Variants in PROM2 observed in about 807,000 individuals in gnomAD.
The protein encoded by PROM2 is prominin-2.
In PROM2, 90 loss-of-function variants were observed where a neutral mutation model predicts 110.2. The ratio of observed to expected loss-of-function variants is 0.82; its 90% confidence interval spans 0.69 to 0.97. The LOEUF is 0.97. Among genes scored for constraint, PROM2 ranks in the 50% least tolerant of loss-of-function variants. The probability of loss-of-function intolerance (pLI) is 0.00; values close to 1 mark genes in which losing one functional copy is unlikely to be tolerated. For missense variants in PROM2, 1,009 were observed against 1,074.8 expected (o/e 0.94, Z 0.86); for synonymous variants, 470 against 467.8 (o/e 1.00, Z -0.06).
chr2:95,286,586 C>T lies in PROM2; in HGVS notation c.2040+15C>T. Reference sequence around the variant, plus strand: ...AGAGCCTTGTGGTCAGTTTGGAGGCCCGGGGAGCCTGGGGCCTGGGGGAGG... The same window carrying T: ...AGAGCCTTGTGGTCAGTTTGGAGGCTCGGGGAGCCTGGGGCCTGGGGGAGG... On this transcript the variant is annotated intron_variant, in intron 17 of 23. Transcript: ENST00000317620. 1 of 1,609,968 alleles carries T rather than the reference C, an allele frequency of 6.2e-7. No individual in the cohort carries two copies. The highest frequency in any genetic ancestry group is 8.5e-7 in the Non-Finnish European group (1 of 1,177,288).
chr2:95,275,034 T>C lies in PROM2; in HGVS notation c.244+205T>C. ...CACTTCCTCTCTGAGCCTCAGGTGC[T>C]CTGTCTGTAAAGTGAGGAGGTTACA... On this transcript the variant is annotated intron_variant, in intron 1 of 23. Transcript: ENST00000317620. The surrounding 1 kb of genome is among the most constrained non-coding windows in gnomAD (Gnocchi z 4.4). 1.7e-6 allele frequency: 1 copy of C among 576,550 alleles called. No individual in the cohort carries two copies. Among genetic ancestry groups the C allele is most frequent in the Admixed American group, 3.5e-5 (1 of 28,788 alleles). The allele number at this position is 576,550 out of a possible 1,614,324, so 35.7% of individuals were successfully genotyped here. A position where few individuals can be genotyped will look rare whatever the true frequency, so the allele number is the denominator to read the frequency against.
intron 15 of PROM2, 58 bp from the exon 16 acceptor site, chr2:95,285,581 G>A (rs1486813123): frequency 1.4e-6 from 2 of 1,438,782 alleles, no homozygotes; most frequent in Non-Finnish European, 1.9e-6. Flanking sequence ...GGATCAGGTG[G>A]TGGTGGGCCC....
chr2:95,285,001 C>T lies in PROM2; in HGVS notation c.1761C>T (p.Ser587=), dbSNP rs1558747795. 1 of 1,608,526 alleles carries T rather than the reference C, an allele frequency of 6.2e-7. No homozygotes were observed. Among genetic ancestry groups the T allele is most frequent in the African/African-American group, 1.3e-5 (1 of 74,986 alleles). ...ACAAGCTACGGCAGGAGTTGCAGAG[C>T]CTGAAAGTAGACACACAGAGCCTGG... ...YTNKLRQELQ[S]LKVDTQSLDL... The change falls in exon 15 of 24, where the codon AGC becomes AGT. Residue 587 remains serine, a synonymous_variant. Transcript: ENST00000317620.
rs779864910 is a variant in PROM2 at position 95,275,335 on chromosome 2, C to T, written c.245-126C>T. 38 of 843,964 alleles carry T rather than the reference C, an allele frequency of 4.5e-5. No individual in the cohort carries two copies. Among genetic ancestry groups the T allele is most frequent in the African/African-American group, 3.6e-4 (21 of 58,764 alleles). The allele number at this position is 843,964 out of a possible 1,614,324, so 52.3% of individuals were successfully genotyped here. A position where few individuals can be genotyped will look rare whatever the true frequency, so the allele number is the denominator to read the frequency against. On this transcript the variant is annotated intron_variant, in intron 1 of 23. Transcript: ENST00000317620. The surrounding 1 kb of genome is among the most constrained non-coding windows in gnomAD (Gnocchi z 4.4). The stretch of plus-strand genomic sequence containing the variant: ...AGGGCTGCGGTGATGCAGCCTTCTG[C>T]GAGGGTGCCATGGTGGTGGCAGGAG...
intron 7 of PROM2, 127 bp downstream of exon 7, chr2:95,277,693 T>C: frequency 9.9e-7 from 1 of 1,006,938 alleles, no homozygotes. Flanking sequence ...CCAGGGTTAA[T>C]GCGGGTCATC....
chr2:95,285,059 G>A lies in PROM2; in HGVS notation c.1819G>A (p.Glu607Lys). 2 of 1,596,980 alleles carry A rather than the reference G, an allele frequency of 1.3e-6. No homozygotes were observed. Among genetic ancestry groups the A allele is most frequent in the Middle Eastern group, 1.7e-4 (1 of 5,996 alleles). Residue 607 changes from glutamate to lysine, a missense_variant, in exon 15 of 24, where the codon GAG (glutamate) becomes AAG (lysine). Glu to Lys is a moderately conservative substitution (Grantham distance 56, BLOSUM62 1). Transcript: ENST00000317620. ...LLSSAARRDL[E>K]ALQSSGLQRI... is the part of the protein sequence containing the mutation. ...GAGCTCAGCCGCCCGCCGGGACCTG[G>A]AGGCCCTGCAGAGCAGTGGGCTTCA... is the stretch of plus-strand genomic sequence containing the variant.
At position 95,276,987 on chromosome 2, in the gene PROM2, T is replaced by C. The variant is rs1421633712; in HGVS notation, c.698T>C (p.Ile233Thr). 3 of 1,549,750 alleles carry C rather than the reference T, an allele frequency of 1.9e-6. No individual in the cohort carries two copies. Among genetic ancestry groups the C allele is most frequent in the South Asian group, 2.4e-5 (2 of 83,934 alleles). ...TGCTCTGCAGGTGTTGGTGTGAGCA[T>C]TGGGAGCGCGATCCACACTCAGCTC... ...SEELDGVGVSIGSAIHTQLRS... is the reference protein window; with the variant it reads ...SEELDGVGVSTGSAIHTQLRS... Residue 233 changes from isoleucine (I) to threonine (T), a missense_variant, in exon 6 of 24, where the codon ATT becomes ACT. Physicochemically the swap from Ile to Thr is moderately conservative, Grantham distance 89. Transcript: ENST00000317620. This position sits in a 1 kb window ranked among gnomAD's most constrained non-coding sequence, Gnocchi z 4.6.
intron 20 of PROM2, 149 bp downstream of exon 20, chr2:95,287,613 C>A (rs1677449054): frequency 1.4e-6 from 1 of 714,448 alleles, no homozygotes; most frequent in Admixed American, 2.6e-5. Flanking sequence ...GGCATCTGCA[C>A]CCCTGCTTGC....
rs1285464081 is a variant in PROM2 at position 95,288,103 on chromosome 2, C to T, written c.2245-108C>T. 6 of 1,077,906 alleles carry T rather than the reference C, an allele frequency of 5.6e-6. No individual in the cohort carries two copies. The East Asian group carries it at 1.4e-4, about 26-fold the overall frequency. The allele number at this position is 1,077,906 out of a possible 1,614,324, so 66.8% of individuals were successfully genotyped here. ...AAGTGTGCGGTGGCCCCAATGGTGT[C>T]CCCAGGCCTTTCTGTGTCCCTGTCA... On this transcript the variant is annotated intron_variant, in intron 20 of 23. Transcript: ENST00000317620.
chr2:95,277,546 C>T lies in PROM2; in HGVS notation c.955C>T (p.Leu319=). 1 of 1,585,954 alleles carries T rather than the reference C, an allele frequency of 6.3e-7. No homozygotes were observed. The change falls in exon 7 of 24, where the codon CTG becomes TTG. Residue 319 remains leucine (L), a synonymous_variant. Coordinates refer to ENST00000317620, the MANE Select transcript of PROM2 (RefSeq NM_001165978.3). The part of the protein sequence containing the change: ...GALSWARTLE[L]GADFSQVPSV... ...CCTGAGCTGGGCCCGCACCCTGGAG[C>T]TGGGTGCTGACTTCAGCCAGGTGCA...
intron 8 of PROM2, 117 bp downstream of exon 8, chr2:95,278,121 A>G: frequency 6.1e-6 from 5 of 814,990 alleles, no homozygotes; most frequent in South Asian, 1.6e-5. Context: ...CCCACCACAC[A>G]GCACCCTGGG....
At position 95,286,535 on chromosome 2, in the gene PROM2, T is replaced by A. The variant is rs770482356; in HGVS notation, c.2004T>A (p.Leu668=). The A allele has an allele frequency of 6.2e-7, 1 of 1,613,702 alleles. No homozygotes were observed. The highest frequency in any genetic ancestry group is 1.7e-5 in the Admixed American group (1 of 60,002). The stretch of plus-strand genomic sequence containing the variant: ...AGGAGGCCCAAGGACTCAGAAACCT[T>A]CACCAGGAGAAGGTCGTCCCCCAGC... ...LQEEAQGLRN[L]HQEKVVPQQS... Residue 668 remains leucine, a synonymous_variant, in exon 17 of 24, where the codon CTT becomes CTA. Coordinates refer to ENST00000317620, the MANE Select transcript of PROM2 (RefSeq NM_001165978.3).
chr2:95,286,553 C>T lies in PROM2; in HGVS notation c.2022C>T (p.Val674=). Residue 674 remains valine, a synonymous_variant, in exon 17 of 24, where the codon GTC becomes GTT. Coordinates refer to ENST00000317620, the MANE Select transcript of PROM2 (RefSeq NM_001165978.3). ...GLRNLHQEKV[V]PQQSLVAKLN... ...GAAACCTTCACCAGGAGAAGGTCGTCCCCCAGCAGAGCCTTGTGGTCAGTT... is the reference window on the plus strand; with the variant it reads ...GAAACCTTCACCAGGAGAAGGTCGTTCCCCAGCAGAGCCTTGTGGTCAGTT... 1 of 1,613,488 alleles carries T rather than the reference C, an allele frequency of 6.2e-7. No homozygotes were observed. Among genetic ancestry groups the T allele is most frequent in the South Asian group, 1.1e-5 (1 of 91,044 alleles).
chr2:95,281,970 C>G lies in PROM2; in HGVS notation c.1597C>G (p.Gln533Glu), dbSNP rs893991669. The G allele has an allele frequency of 5.3e-5, 86 of 1,614,010 alleles. No homozygotes were observed. The highest frequency in any genetic ancestry group is 7.1e-5 in the Non-Finnish European group (84 of 1,180,014). ...CCTGCCCCCGTCCATGAACCTGTCG[C>G]AACTTCTTGGCCTGAGGAAGAACAT... ...GNLPPSMNLS[Q>E]LLGLRKNISI... The change falls in exon 13 of 24, where the codon CAA becomes GAA. Residue 533 changes from glutamine to glutamate, a missense_variant. Physicochemically the swap from Gln to Glu is conservative, Grantham distance 29. Coordinates refer to ENST00000317620, the MANE Select transcript of PROM2 (RefSeq NM_001165978.3).
rs751564910 is a variant in PROM2 at position 95,277,040 on chromosome 2, G to T, written c.751G>T (p.Ala251Ser). Residue 251 changes from alanine (A) to serine (S), a missense_variant, in exon 6 of 24, where the codon GCC becomes TCC. Physicochemically the swap from Ala to Ser is moderately conservative, Grantham distance 99. Coordinates refer to ENST00000317620, the MANE Select transcript of PROM2 (RefSeq NM_001165978.3). ...LRSSVYPLLAAVGSLGQVLQV... is the reference protein window; with the variant it reads ...LRSSVYPLLASVGSLGQVLQV... ...GAGCTCCGTGTACCCCTTGCTGGCG[G>T]CCGTGGGCAGTTTGGGCCAGGGTGA... 2.3e-5 allele frequency: 36 copies of T among 1,552,002 alleles called. No homozygotes were observed. The highest frequency in any genetic ancestry group is 2.8e-5 in the Non-Finnish European group (32 of 1,147,198).
At chr2:95,278,112 C>G in intron 8 of PROM2, 108 bp downstream of exon 8, 1 of 889,058 alleles carries the variant, frequency 1.1e-6, no homozygotes, top group Non-Finnish European at 1.8e-6. Flanking sequence ...GGGGTCCCAC[C>G]CACCACACAG....
chr2:95,289,082 G>A (rs1001245931), intron 23 of PROM2, 76 bp downstream of exon 23: 5 of 1,201,570 alleles, frequency 4.2e-6, no homozygotes, highest in Admixed American at 1.7e-5. Context: ...CTGGGGTCTG[G>A]GGTTTCCAGG....
chr2:95,287,151 C>A lies in PROM2; in HGVS notation c.2113C>A (p.Leu705Ile). ...PNLQLETSDV[L>I]ANVTYLKGEL... ...CCTCCAGCTGGAGACCTCAGATGTC[C>A]TAGCCAATGTCACCTACCTGAAAGG... Residue 705 changes from leucine to isoleucine, a missense_variant, in exon 19 of 24, where the codon CTA (leucine) becomes ATA (isoleucine). Leu to Ile is a conservative substitution (Grantham distance 5, BLOSUM62 2). Coordinates refer to ENST00000317620, the MANE Select transcript of PROM2 (RefSeq NM_001165978.3). The A allele has an allele frequency of 6.2e-7, 1 of 1,613,856 alleles. No homozygotes were observed. Among genetic ancestry groups the A allele is most frequent in the Non-Finnish European group, 8.5e-7 (1 of 1,179,970 alleles).
intron 15 of PROM2, among the ~76,000 whole-genome samples, chr2:95,285,438 T>A (rs1321718706): frequency 6.6e-6 from 1 of 152,250 alleles, no homozygotes; most frequent in Non-Finnish European, 1.5e-5. Flanking sequence ...TTATTTGTTC[T>A]TGTTGTTTCT....
Sources: gnomAD v4.1 joint callset for allele counts (sites outside exome capture counted in the v4.1 genomes callset) on GRCh38, gnomAD v4.1.1 for gene constraint, Gnocchi (gnomAD v3.1) non-coding constraint, MANE v1.5 for transcripts, NCBI Gene and HGNC (gene_info 2026-07-23, HGNC 2026-07-21) for gene names.